The following CSRNP3 variants were observed in gnomAD, a reference collection of about 807,000 sequenced individuals.
CSRNP3 encodes the protein cysteine and serine rich nuclear protein 3.
Under a neutral mutation model 48.0 loss-of-function variants are expected in CSRNP3, and 12 were observed. The ratio of observed to expected loss-of-function variants is 0.25; its 90% CI spans 0.16 to 0.41. The LOEUF (loss-of-function observed/expected upper bound fraction) is 0.41. CSRNP3 is among the 10% of genes least tolerant of loss of function. CSRNP3 has a pLI of 1.00. For synonymous variants in CSRNP3, 263 were observed against 269.7 expected (o/e 0.98, Z 0.24); for missense variants, 580 against 724.4 (o/e 0.80, Z 2.29).
Position 165,680,145 on chromosome 2 carries a change from C to G in CSRNP3, c.*392C>G. On this transcript the variant is annotated 3_prime_UTR_variant, in exon 7 of 7. Coordinates refer to ENST00000651982, the MANE Select transcript of CSRNP3 (RefSeq NM_001172173.2). Reference sequence around the variant, plus strand: ...TTTAGAGTCCTAATTTTCAATATATCTGAAGATAATGATGACTTTTTAATG... The same window carrying G: ...TTTAGAGTCCTAATTTTCAATATATGTGAAGATAATGATGACTTTTTAATG... 1 of 165,718 alleles carries G rather than the reference C, an allele frequency of 6.0e-6. No homozygotes were observed. The highest frequency in any genetic ancestry group is 6.3e-5 in the Admixed American group (1 of 15,962). The allele number at this position is 165,718 out of a possible 1,614,324, so 10.3% of individuals were successfully genotyped here. A position where few individuals can be genotyped will look rare whatever the true frequency, so the allele number is the denominator to read the frequency against.
chr2:165,601,183 A>G (rs1163255416), intron 4 of CSRNP3, among the ~76,000 whole-genome samples: 8 of 152,154 alleles, frequency 5.3e-5, no homozygotes, highest in African/African-American at 9.7e-5. Flanking sequence ...TCAAATCCCT[A>G]TGGCTCTATA....
chr2:165,545,177 A>G (rs1685008514), intron 3 of CSRNP3, among the ~76,000 whole-genome samples: 1 of 152,320 alleles, frequency 6.6e-6, no homozygotes, highest in East Asian at 1.9e-4. Flanking sequence ...TGGTGGTAGT[A>G]AAGGCTAATC....
At chr2:165,609,580 A>G (rs1228990963) in intron 4 of CSRNP3, among the ~76,000 whole-genome samples, 2 of 152,102 alleles carry the variant, frequency 1.3e-5, no homozygotes, top group Non-Finnish European at 2.9e-5. Flanking sequence ...ATAAGCTAAA[A>G]TGAGTGAATA....
intron 4 of CSRNP3, among the ~76,000 whole-genome samples, chr2:165,648,971 G>A (rs1184399568): frequency 6.6e-6 from 1 of 152,176 alleles, no homozygotes; most frequent in East Asian, 1.9e-4. Context: ...CCTGGGCTGT[G>A]CCTGTCAAGA....
Position 165,679,595 on chromosome 2 carries a change from T to C in CSRNP3, c.1600T>C (p.Tyr534His), listed in dbSNP as rs779731407. Residue 534 changes from tyrosine (Y) to histidine (H), a missense_variant, in exon 7 of 7, where the codon TAC becomes CAC. Around this residue, in one of 4 missense-constraint regions of CSRNP3, gnomAD observed 369 missense variants for 380.8 expected, o/e 0.97. Coordinates refer to ENST00000651982, the MANE Select transcript of CSRNP3 (RefSeq NM_001172173.2). Reference protein sequence around the residue: ...SNHPQVEFHSYLKGPSQEGFV... With the variant: ...SNHPQVEFHSHLKGPSQEGFV... ...TCACCCTCAAGTGGAATTTCACTCA[T>C]ACTTGAAAGGCCCCTCCCAAGAAGG... 1.2e-6 allele frequency: 2 copies of C among 1,614,060 alleles called. No individual in the cohort carries two copies. The highest frequency in any genetic ancestry group is 2.2e-5 in the East Asian group (1 of 44,850).
chr2:165,506,644 A>G (rs1312428771), intron 2 of CSRNP3, among the ~76,000 whole-genome samples: 6 of 152,092 alleles, frequency 3.9e-5, no homozygotes, highest in Admixed American at 3.9e-4. Flanking sequence ...ACTGTTGCTA[A>G]TATCTGAGTT....
intron 3 of CSRNP3, among the ~76,000 whole-genome samples, chr2:165,536,891 A>T (rs1301018984): frequency 6.6e-6 from 1 of 151,886 alleles, no homozygotes; most frequent in Non-Finnish European, 1.5e-5. Context: ...ATTAACATTA[A>T]TTAATATATA....
At chr2:165,493,133 A>G (rs1412731733) in intron 1 of CSRNP3, among the ~76,000 whole-genome samples, 5 of 152,124 alleles carry the variant, frequency 3.3e-5, no homozygotes, top group South Asian at 2.1e-4. Context: ...GAATTTTAGC[A>G]TCAAAATCAA....
At chr2:165,497,196 T>C (rs1370172350) in intron 2 of CSRNP3, among the ~76,000 whole-genome samples, 1 of 152,022 alleles carries the variant, frequency 6.6e-6, no homozygotes, top group Admixed American at 6.6e-5. Context: ...AACACATACA[T>C]ATCCACTGTG....
intron 3 of CSRNP3, among the ~76,000 whole-genome samples, chr2:165,583,384 A>C (rs1294394997): frequency 6.6e-6 from 1 of 152,210 alleles, no homozygotes; most frequent in East Asian, 1.9e-4. Flanking sequence ...TGAAAGGAGC[A>C]TCCCCCAACA....
intron 3 of CSRNP3, among the ~76,000 whole-genome samples, chr2:165,587,938 G>C (rs531391193): frequency 1.3e-5 from 2 of 152,084 alleles, no homozygotes; most frequent in African/African-American, 4.8e-5. Flanking sequence ...GAAATTAAAG[G>C]CTTATATTAA....
intron 3 of CSRNP3, among the ~76,000 whole-genome samples, chr2:165,592,811 T>C (rs1382709585): frequency 6.9e-6 from 1 of 145,908 alleles, no homozygotes; most frequent in Non-Finnish European, 1.5e-5. Context: ...CATTTTTTTT[T>C]TTTTTTTTGA....
At position 165,572,508 on chromosome 2, in the gene CSRNP3, C is replaced by A. The variant is rs567425922; in HGVS notation, c.-23-22535C>A. 22 of 152,150 alleles carry A rather than the reference C, an allele frequency of 1.4e-4. No homozygotes were observed. The East Asian group carries it at 3.9e-3, about 27-fold the overall frequency. 9.4% of individuals were successfully genotyped at this position (152,150 alleles called of 1,614,324 possible). A position where few individuals can be genotyped will look rare whatever the true frequency, so the allele number is the denominator to read the frequency against. ...AGAACTGTGTCTTCGGTGATGCTGACACATATGATAAAATGATCATTTATT... is the reference window on the plus strand; with the variant it reads ...AGAACTGTGTCTTCGGTGATGCTGAAACATATGATAAAATGATCATTTATT... On this transcript the variant is annotated intron_variant, in intron 3 of 6. Coordinates refer to ENST00000651982, the MANE Select transcript of CSRNP3 (RefSeq NM_001172173.2).
chr2:165,488,029 G>C (rs1247454002), intron 1 of CSRNP3, among the ~76,000 whole-genome samples: 1 of 116,352 alleles, frequency 8.6e-6, no homozygotes, highest in African/African-American at 3.5e-5. Context: ...AGACCCATCA[G>C]TGTGCTGTAT....
intron 1 of CSRNP3, among the ~76,000 whole-genome samples, chr2:165,491,882 A>C (rs1303532819): frequency 2.1e-5 from 3 of 142,738 alleles, no homozygotes; most frequent in Non-Finnish European, 4.6e-5. Flanking sequence ...GCGCACCAGC[A>C]TGGCACATGT....
chr2:165,664,193 G>A (rs1470629347), intron 5 of CSRNP3, among the ~76,000 whole-genome samples: 1 of 152,160 alleles, frequency 6.6e-6, no homozygotes, highest in Non-Finnish European at 1.5e-5. Context: ...ATTATAAGAT[G>A]TGACTCAATA....
chr2:165,622,003 C>G (rs992024946), intron 4 of CSRNP3, among the ~76,000 whole-genome samples: 1 of 152,148 alleles, frequency 6.6e-6, no homozygotes, highest in Non-Finnish European at 1.5e-5. Flanking sequence ...GCAGGCAGAG[C>G]TTTCTTCTTT....
intron 4 of CSRNP3, among the ~76,000 whole-genome samples, chr2:165,600,606 A>G (rs1172026570): frequency 6.6e-6 from 1 of 152,044 alleles, no homozygotes; most frequent in Non-Finnish European, 1.5e-5. Context: ...TTGTTTCCTG[A>G]CTTTTTAATG....
At chr2:165,617,793 C>T (rs1034892764) in intron 4 of CSRNP3, among the ~76,000 whole-genome samples, 3 of 152,192 alleles carry the variant, frequency 2.0e-5, no homozygotes, top group Non-Finnish European at 4.4e-5. Flanking sequence ...ATGTCCTGTG[C>T]GTGGCCCACA....
Sources: allele counts gnomAD v4.1 joint callset (sites outside exome capture counted in the v4.1 genomes callset), GRCh38; gene constraint gnomAD v4.1.1; regional missense constraint gnomAD v4.1.1; transcripts MANE v1.5; gene names NCBI Gene and HGNC (gene_info 2026-07-23, HGNC 2026-07-21).